The following RND3 variants were observed in gnomAD, a reference collection of about 807,000 sequenced individuals.
The protein encoded by RND3 is Rho family GTPase 3.
A neutral mutation model predicts 26.5 loss-of-function variants in RND3; 8 were observed. The ratio of observed to expected loss-of-function variants is 0.30; its 90% CI spans 0.18 to 0.54. The LOEUF (loss-of-function observed/expected upper bound fraction) is 0.54. RND3 is among the 20% of genes least tolerant of loss of function. RND3 has a pLI of 0.94. For synonymous variants in RND3, 113 were observed against 113.0 expected, an observed-to-expected ratio of 1.00 and a Z score of 0.00; for missense variants, 207 against 302.8, an observed-to-expected ratio of 0.68 and a Z score of 2.35.
At chr2:150,473,527 A>G (rs561863288) in intron 4 of RND3, among the ~76,000 whole-genome samples, 1 of 152,326 alleles carries the variant, frequency 6.6e-6, no homozygotes, top group East Asian at 1.9e-4. Flanking sequence ...GTTTACAAGC[A>G]TTAAAGACAG....
intron 5 of RND3, among the ~76,000 whole-genome samples, chr2:150,470,756 CG>C (rs1446970419): frequency 6.6e-6 from 1 of 152,152 alleles, no homozygotes; most frequent in African/African-American, 2.4e-5. Context: ...CTGGCCGTGG[CG>C]ATGTGGCCTT....
At chr2:150,479,180 T>C (rs1343131406) in intron 3 of RND3, among the ~76,000 whole-genome samples, 1 of 152,196 alleles carries the variant, frequency 6.6e-6, no homozygotes, top group Non-Finnish European at 1.5e-5. Flanking sequence ...CCCATCTTTG[T>C]ATTCAAGATC....
chr2:150,479,101 G>A (rs1053165633), intron 3 of RND3, among the ~76,000 whole-genome samples: 1 of 152,134 alleles, frequency 6.6e-6, no homozygotes, highest in African/African-American at 2.4e-5. Flanking sequence ...TACACTTGGG[G>A]TTCTCTGAGT....
chr2:150,486,129 C>T lies in RND3; in HGVS notation c.238+565G>A, dbSNP rs971366611. ...AGAGGAGGTTCAGCTGCTGCCCGGC[C>T]CCTGCGCCACCAGCGCATTCCTGGG... On this transcript the variant is annotated intron_variant, in intron 3 of 5. Transcript: ENST00000263895. This position sits in a 1 kb window ranked among gnomAD's most constrained non-coding sequence, Gnocchi z 4.5. Among the ~76,000 whole-genome samples, 1 of 151,918 alleles carries T rather than the reference C, an allele frequency of 6.6e-6. No individual in the cohort carries two copies. The highest frequency in any genetic ancestry group is 1.5e-5 in the Non-Finnish European group (1 of 67,974).
intron 3 of RND3, among the ~76,000 whole-genome samples, chr2:150,484,414 G>A (rs1016265626): frequency 1.3e-5 from 2 of 152,122 alleles, no homozygotes; most frequent in South Asian, 2.1e-4. Flanking sequence ...CATCTATTCC[G>A]AAATATCCAT....
chr2:150,487,159 TC>T (rs1348754483), intron 2 of RND3, 108 bp downstream of exon 2: 15,568 of 734,712 alleles, frequency 0.021, 3 homozygotes, highest in Non-Finnish European at 0.023. Context: ...CTTTTTTTTT[TC>T]TTTTTTTTTT....
At chr2:150,471,298 T>C (rs1686085298) in intron 5 of RND3, among the ~76,000 whole-genome samples, 1 of 152,170 alleles carries the variant, frequency 6.6e-6, no homozygotes, top group Non-Finnish European at 1.5e-5. Context: ...TCCACTTTAC[T>C]GGCAACAGCC....
chr2:150,486,606 T>A lies in RND3; in HGVS notation c.238+88A>T. The stretch of plus-strand genomic sequence containing the variant: ...ATCCCTTGGGAGGGGCGCAGACGGC[T>A]TGTAGCGCGCGGTTTCCCGAGACCC... On this transcript the variant is annotated intron_variant, in intron 3 of 5. Transcript: ENST00000263895. The surrounding 1 kb of genome is among the most constrained non-coding windows in gnomAD (Gnocchi z 4.5). The A allele has an allele frequency of 1.1e-6, 1 of 937,100 alleles. No individual in the cohort carries two copies. The highest frequency in any genetic ancestry group is 1.8e-6 in the Non-Finnish European group (1 of 563,002). 58.0% of individuals were successfully genotyped at this position (937,100 alleles called of 1,614,324 possible).
chr2:150,469,137 A>G lies in RND3; in HGVS notation c.*850T>C, dbSNP rs1686039305. 1 of 152,612 alleles carries G rather than the reference A, an allele frequency of 6.6e-6. No homozygotes were observed. The highest frequency in any genetic ancestry group is 2.4e-5 in the African/African-American group (1 of 41,444). 9.5% of individuals were successfully genotyped at this position (152,612 alleles called of 1,614,324 possible). On this transcript the variant is annotated 3_prime_UTR_variant, in exon 6 of 6. Coordinates refer to ENST00000263895, the MANE Select transcript of RND3 (RefSeq NM_005168.5). ...TTCTCTCCTTGGATCATTCTATGAC[A>G]TCAAACCAAGACACCTTTTATTTGA...
chr2:150,483,103 TA>T (rs1206907799), intron 3 of RND3, among the ~76,000 whole-genome samples: 2 of 152,110 alleles, frequency 1.3e-5, no homozygotes, highest in Non-Finnish European at 2.9e-5. Flanking sequence ...AGCAGGAAAT[TA>T]TTTTTTTTTC....
intron 3 of RND3, among the ~76,000 whole-genome samples, chr2:150,484,499 C>G (rs144696126): frequency 6.6e-6 from 1 of 152,190 alleles, no homozygotes; most frequent in Non-Finnish European, 1.5e-5. Flanking sequence ...ACCCATTCCC[C>G]CTCCCTGTCC....
Position 150,470,137 on chromosome 2 carries a change from C to T in RND3, c.585G>A (p.Leu195=), listed in dbSNP as rs1484950427. ...TTTTATTTGTCTTATTTACACATGC[C>T]AAGGTGGCAACGTGAAAAATGTCTC... ...SVRDIFHVAT[L]ACVNKTNKNV... Residue 195 remains leucine (L), a synonymous_variant, in exon 6 of 6, where the codon TTG becomes TTA. Transcript: ENST00000263895. 6.2e-7 allele frequency: 1 copy of T among 1,613,918 alleles called. No individual in the cohort carries two copies. The highest frequency in any genetic ancestry group is 8.5e-7 in the Non-Finnish European group (1 of 1,179,930).
intron 4 of RND3, 23 bp downstream of exon 4, chr2:150,474,852 T>C (rs1213086793): frequency 7.5e-7 from 1 of 1,326,360 alleles, no homozygotes; most frequent in East Asian, 2.3e-5. Context: ...TACTGAAGTG[T>C]GTCATCATTT....
intron 5 of RND3, among the ~76,000 whole-genome samples, chr2:150,471,149 T>C (rs1252026171): frequency 6.6e-6 from 1 of 152,200 alleles, no homozygotes; most frequent in East Asian, 1.9e-4. Context: ...AAAATTTTGG[T>C]ATTTCAACAT....
At chr2:150,483,657 T>C (rs1340015908) in intron 3 of RND3, among the ~76,000 whole-genome samples, 1 of 152,208 alleles carries the variant, frequency 6.6e-6, no homozygotes, top group Non-Finnish European at 1.5e-5. Context: ...CATGAAAAGC[T>C]TGGAATTAAA....
intron 3 of RND3, among the ~76,000 whole-genome samples, chr2:150,477,947 A>C (rs1528430): frequency 0.45 from 68,877 of 151,922 alleles, 17,371 homozygotes; most frequent in African/African-American, 0.69. Flanking sequence ...TCCAAAGGTA[A>C]TAGTAAAACT....
chr2:150,484,172 C>T (rs909238846), intron 3 of RND3, among the ~76,000 whole-genome samples: 8 of 152,334 alleles, frequency 5.3e-5, no homozygotes, highest in Admixed American at 2.0e-4. Flanking sequence ...CTCATTTACT[C>T]ATTCATCAGA....
rs2105225507 is a variant in RND3, at chr2:150,487,264, T to C, written c.150+4A>G. Reference sequence around the variant, plus strand: ...TCGTGGAAGCCGCGGCCGGCCACACTCACCTCGGGGAAGCAGTCCTTGGCG... The same window carrying C: ...TCGTGGAAGCCGCGGCCGGCCACACCCACCTCGGGGAAGCAGTCCTTGGCG... On this transcript the variant is annotated splice_donor_region_variant and intron_variant, in intron 2 of 5. Coordinates refer to ENST00000263895, the MANE Select transcript of RND3 (RefSeq NM_005168.5). 1.3e-6 allele frequency: 2 copies of C among 1,564,384 alleles called. No homozygotes were observed. Among genetic ancestry groups the C allele is most frequent in the Non-Finnish European group, 1.7e-6 (2 of 1,154,476 alleles).
Position 150,487,401 on chromosome 2 carries a change from G to C in RND3, c.17C>G (p.Ala6Gly), listed in dbSNP as rs759966800. The change falls in exon 2 of 6, where the codon GCC (alanine) becomes GGC (glycine). Residue 6 changes from alanine (A) to glycine (G), a missense_variant. Physicochemically the swap from Ala to Gly is moderately conservative, Grantham distance 60 (BLOSUM62 0). Coordinates refer to ENST00000263895, the MANE Select transcript of RND3 (RefSeq NM_005168.5). MKERR[A>G]SQKLSSKSIM... is the part of the protein sequence containing the mutation. ...AGATTTGCTGGATAATTTCTGGCTGGCTCTTCTCTCCTTCATTGATGTTGC... is the reference window on the plus strand; with the variant it reads ...AGATTTGCTGGATAATTTCTGGCTGCCTCTTCTCTCCTTCATTGATGTTGC... 6.6e-7 allele frequency: 1 copy of C among 1,525,466 alleles called. No individual in the cohort carries two copies. The highest frequency in any genetic ancestry group is 8.8e-7 in the Non-Finnish European group (1 of 1,133,388). 94.5% of individuals were successfully genotyped at this position (1,525,466 alleles called of 1,614,324 possible). A position where few individuals can be genotyped will look rare whatever the true frequency, so the allele number is the denominator to read the frequency against.
Sources: gnomAD v4.1 joint callset for allele counts (sites outside exome capture counted in the v4.1 genomes callset) on GRCh38, gnomAD v4.1.1 for gene constraint, Gnocchi (gnomAD v3.1) non-coding constraint, MANE v1.5 for transcripts, NCBI Gene and HGNC (gene_info 2026-07-23, HGNC 2026-07-21) for gene names.